IFNA1: variants seen among roughly 807,000 people sequenced by gnomAD.
IFNA1 encodes the protein interferon alpha 1, also known as interferon alpha-1.
For missense variants in IFNA1, 130 were observed against 219.8 expected (o/e 0.59, Z 2.58); for synonymous variants, 52 against 86.8 (o/e 0.60, Z 2.23).
rs1818369467 is a variant in IFNA1, at chr9:21,441,165, C to G, written c.*88C>G. ...TCTGTCATTTCAAAGACTCTCACCCCTGCTATAACTATGACCATGCTGATA... is the reference window on the plus strand; with the variant it reads ...TCTGTCATTTCAAAGACTCTCACCCGTGCTATAACTATGACCATGCTGATA... On this transcript the variant is annotated 3_prime_UTR_variant, in exon 1 of 1. Coordinates refer to ENST00000276927, the MANE Select transcript of IFNA1 (RefSeq NM_024013.3). The G allele has an allele frequency of 1.9e-6, 3 of 1,557,312 alleles. No individual in the cohort carries two copies. Among genetic ancestry groups the G allele is most frequent in the Middle Eastern group, 1.7e-4 (1 of 5,820 alleles).
rs1299636544 is a variant in IFNA1 at position 21,440,532 on chromosome 9, A to C, written c.25A>C (p.Met9Leu). The C allele has an allele frequency of 1.2e-6, 2 of 1,614,092 alleles. No individual in the cohort carries two copies. The highest frequency in any genetic ancestry group is 1.7e-5 in the Admixed American group (1 of 60,012). Reference protein sequence around the residue: MASPFALLMVLVVLSCKSS... With the variant: MASPFALLLVLVVLSCKSS... The stretch of plus-strand genomic sequence containing the variant: ...GATGGCCTCGCCCTTTGCTTTACTG[A>C]TGGTCCTGGTGGTGCTCAGCTGCAA... Residue 9 changes from methionine to leucine, a missense_variant, in exon 1 of 1, where the codon ATG (methionine) becomes CTG (leucine). Met to Leu is a conservative substitution (Grantham distance 15, BLOSUM62 2). Coordinates refer to ENST00000276927, the MANE Select transcript of IFNA1 (RefSeq NM_024013.3).
In IFNA1 at chr9:21,440,730, C is replaced by T. The variant is rs750346976; in HGVS notation, c.223C>T (p.Pro75Ser). 2.1e-5 allele frequency: 32 copies of T among 1,532,268 alleles called. No individual in the cohort carries two copies. The highest frequency in any genetic ancestry group is 2.8e-5 in the Non-Finnish European group (31 of 1,121,136). The allele number at this position is 1,532,268 out of a possible 1,614,324, so 94.9% of individuals were successfully genotyped here. Residue 75 changes from proline to serine, a missense_variant, in exon 1 of 1, where the codon CCA becomes TCA. Physicochemically the swap from Pro to Ser is moderately conservative, Grantham distance 74. Coordinates refer to ENST00000276927, the MANE Select transcript of IFNA1 (RefSeq NM_024013.3). The part of the protein sequence containing the change: ...EFDGNQFQKA[P>S]AISVLHELIQ... ...TGATGGCAACCAGTTCCAGAAGGCT[C>T]CAGCCATCTCTGTCCTCCATGAGCT... is the stretch of plus-strand genomic sequence containing the variant.
chr9:21,440,806 G>A, the IFNA1 span: 1 of 1,414,152 alleles, frequency 7.1e-7, no homozygotes, highest in Admixed American at 2.2e-5. Context: ...TCTGCTGCTT[G>A]GGATGAGGAC....
In IFNA1 at chr9:21,441,263, T is replaced by C. The variant is rs1008485124; in HGVS notation, c.*186T>C. On this transcript the variant is annotated 3_prime_UTR_variant, in exon 1 of 1. Transcript: ENST00000276927. ...AATTATTTTTGTTCATATAACGTCATGTGCACCTTTACACTGTGGTTAGTG... is the reference window on the plus strand; with the variant it reads ...AATTATTTTTGTTCATATAACGTCACGTGCACCTTTACACTGTGGTTAGTG... The C allele has an allele frequency of 1.1e-4, 103 of 897,934 alleles. No individual in the cohort carries two copies. Among genetic ancestry groups the C allele is most frequent in the Admixed American group, 2.6e-4 (8 of 31,180 alleles). The allele number at this position is 897,934 out of a possible 1,614,324, so 55.6% of individuals were successfully genotyped here.
chr9:21,441,160 C>T lies in IFNA1; in HGVS notation c.*83C>T, dbSNP rs1818369312. ...TGAATTCTGTCATTTCAAAGACTCT[C>T]ACCCCTGCTATAACTATGACCATGC... On this transcript the variant is annotated 3_prime_UTR_variant, in exon 1 of 1. Transcript: ENST00000276927. 1.3e-6 allele frequency: 2 copies of T among 1,575,926 alleles called. No individual in the cohort carries two copies. Among genetic ancestry groups the T allele is most frequent in the Non-Finnish European group, 1.7e-6 (2 of 1,159,566 alleles).
rs1411113922 is a variant in IFNA1 at position 21,440,796 on chromosome 9, T to C, written c.289T>C (p.Ser97Pro). 2.1e-6 allele frequency: 3 copies of C among 1,417,228 alleles called. No homozygotes were observed. The highest frequency in any genetic ancestry group is 2.2e-5 in the Admixed American group (1 of 45,738). The allele number at this position is 1,417,228 out of a possible 1,614,324, so 87.8% of individuals were successfully genotyped here. ...IFNLFTTKDS[S>P]AAWDEDLLDK... ...CAACCTCTTTACCACAAAAGATTCA[T>C]CTGCTGCTTGGGATGAGGACCTCCT... The change falls in exon 1 of 1, where the codon TCT (serine) becomes CCT (proline). Residue 97 changes from serine to proline, a missense_variant. Ser to Pro is a moderately conservative substitution (Grantham distance 74). Coordinates refer to ENST00000276927, the MANE Select transcript of IFNA1 (RefSeq NM_024013.3).
Position 21,441,238 on chromosome 9 carries a change from A to T in IFNA1, c.*161A>T. 8.6e-7 allele frequency: 1 copy of T among 1,156,622 alleles called. No homozygotes were observed. The highest frequency in any genetic ancestry group is 1.2e-6 in the Non-Finnish European group (1 of 848,168). The allele number at this position is 1,156,622 out of a possible 1,614,324, so 71.6% of individuals were successfully genotyped here. ...TTTATTTAACTATTCATAAGATTTA[A>T]ATTATTTTTGTTCATATAACGTCAT... On this transcript the variant is annotated 3_prime_UTR_variant, in exon 1 of 1. Transcript: ENST00000276927.
In IFNA1 at chr9:21,440,984, C is replaced by T. The variant is rs548638160; in HGVS notation, c.477C>T (p.Tyr159=). 75 of 1,603,186 alleles carry T rather than the reference C, an allele frequency of 4.7e-5. No individual in the cohort carries two copies. In the South Asian group the frequency reaches 7.2e-4, roughly 15 times the overall value. The change falls in exon 1 of 1, where the codon TAC becomes TAT. Residue 159 remains tyrosine, a synonymous_variant. Transcript: ENST00000276927. ...CTCTCTATCTGACAGAGAAGAAATA[C>T]AGCCCTTGTGCCTGGGAGGTTGTCA... ...RITLYLTEKK[Y]SPCAWEVVRA...
Position 21,440,915 on chromosome 9 carries a change from T to G in IFNA1, c.408T>G (p.Asn136Lys). 2.5e-6 allele frequency: 4 copies of G among 1,596,320 alleles called. No homozygotes were observed. Among genetic ancestry groups the G allele is most frequent in the African/African-American group, 1.4e-5 (1 of 71,276 alleles). Reference sequence around the variant, plus strand: ...GGGTGGGAGAAACTCCCCTGATGAATGCGGACTCCATCTTGGCTGTGAAGA... The same window carrying G: ...GGGTGGGAGAAACTCCCCTGATGAAGGCGGACTCCATCTTGGCTGTGAAGA... ...EERVGETPLMNADSILAVKKY... is the reference protein window; with the variant it reads ...EERVGETPLMKADSILAVKKY... Residue 136 changes from asparagine (N) to lysine (K), a missense_variant, in exon 1 of 1, where the codon AAT becomes AAG. Asn to Lys is a moderately conservative substitution (Grantham distance 94, BLOSUM62 0). Coordinates refer to ENST00000276927, the MANE Select transcript of IFNA1 (RefSeq NM_024013.3).
chr9:21,441,072 G>A lies in IFNA1; in HGVS notation c.565G>A (p.Glu189Lys). ...CTTGCAAGAAAGATTAAGGAGGAAGGAATAACATCTGGTCCAACATGAAAA... is the reference window on the plus strand; with the variant it reads ...CTTGCAAGAAAGATTAAGGAGGAAGAAATAACATCTGGTCCAACATGAAAA... ...TNLQERLRRK[E>K] Residue 189 changes from glutamate to lysine, a missense_variant, in exon 1 of 1, where the codon GAA (glutamate) becomes AAA (lysine). Coordinates refer to ENST00000276927, the MANE Select transcript of IFNA1 (RefSeq NM_024013.3). The A allele has an allele frequency of 6.2e-6, 10 of 1,612,706 alleles. No homozygotes were observed. Among genetic ancestry groups the A allele is most frequent in the Non-Finnish European group, 8.5e-6 (10 of 1,179,948 alleles).
At position 21,441,089 on chromosome 9, in the gene IFNA1, A is replaced by G. The variant is rs758370163; in HGVS notation, c.*12A>G. On this transcript the variant is annotated 3_prime_UTR_variant, in exon 1 of 1. Transcript: ENST00000276927. The stretch of plus-strand genomic sequence containing the variant: ...GGAGGAAGGAATAACATCTGGTCCA[A>G]CATGAAAACAATTCTTATTGACTCA... 6.2e-7 allele frequency: 1 copy of G among 1,611,010 alleles called. No homozygotes were observed. Among genetic ancestry groups the G allele is most frequent in the South Asian group, 1.1e-5 (1 of 90,956 alleles).
chr9:21,440,470 C>A lies in IFNA1; in HGVS notation c.-38C>A. 1 of 1,611,556 alleles carries A rather than the reference C, an allele frequency of 6.2e-7. No homozygotes were observed. Among genetic ancestry groups the A allele is most frequent in the East Asian group, 2.2e-5 (1 of 44,838 alleles). On this transcript the variant is annotated 5_prime_UTR_variant, in exon 1 of 1. Coordinates refer to ENST00000276927, the MANE Select transcript of IFNA1 (RefSeq NM_024013.3). ...CCTAGAGCCCAAGGTTCAGAGTCACCCATCTCAGCAAGCCCAGAAGTATCT... is the reference window on the plus strand; with the variant it reads ...CCTAGAGCCCAAGGTTCAGAGTCACACATCTCAGCAAGCCCAGAAGTATCT...
At position 21,440,718 on chromosome 9, in the gene IFNA1, T is replaced by C. The variant is rs1352978099; in HGVS notation, c.211T>C (p.Phe71Leu). Residue 71 changes from phenylalanine to leucine, a missense_variant, in exon 1 of 1, where the codon TTC becomes CTC. Transcript: ENST00000276927. ...CCAGGAGGAGTTTGATGGCAACCAG[T>C]TCCAGAAGGCTCCAGCCATCTCTGT... is the stretch of plus-strand genomic sequence containing the variant. ...FPQEEFDGNQ[F>L]QKAPAISVLH... 4 of 1,569,968 alleles carry C rather than the reference T, an allele frequency of 2.5e-6. No homozygotes were observed. Among genetic ancestry groups the C allele is most frequent in the Non-Finnish European group, 3.5e-6 (4 of 1,150,574 alleles).
Position 21,441,214 on chromosome 9 carries a change from T to G in IFNA1, c.*137T>G, listed in dbSNP as rs1175660556. 10 of 1,253,872 alleles carry G rather than the reference T, an allele frequency of 8.0e-6. No homozygotes were observed. Among genetic ancestry groups the G allele is most frequent in the Admixed American group, 2.8e-5 (1 of 35,798 alleles). The allele number at this position is 1,253,872 out of a possible 1,614,324, so 77.7% of individuals were successfully genotyped here. The stretch of plus-strand genomic sequence containing the variant: ...TAAACTGATTTATCTATTTAAATAT[T>G]TATTTAACTATTCATAAGATTTAAA... On this transcript the variant is annotated 3_prime_UTR_variant, in exon 1 of 1. Transcript: ENST00000276927.
Position 21,440,507 on chromosome 9 carries a change from G to A in IFNA1, c.-1G>A, listed in dbSNP as rs1392247836. ...GCCCAGAAGTATCTGCAATATCTAC[G>A]ATGGCCTCGCCCTTTGCTTTACTGA... On this transcript the variant is annotated 5_prime_UTR_variant, in exon 1 of 1. Transcript: ENST00000276927. 9 of 1,613,954 alleles carry A rather than the reference G, an allele frequency of 5.6e-6. No individual in the cohort carries two copies. The highest frequency in any genetic ancestry group is 2.2e-5 in the East Asian group (1 of 44,890).
In IFNA1 at chr9:21,440,616, A is replaced by G. The variant is rs1818360304; in HGVS notation, c.109A>G (p.Thr37Ala). 6.2e-7 allele frequency: 1 copy of G among 1,611,470 alleles called. No individual in the cohort carries two copies. The highest frequency in any genetic ancestry group is 1.3e-5 in the African/African-American group (1 of 74,252). Residue 37 changes from threonine to alanine, a missense_variant, in exon 1 of 1, where the codon ACC (threonine) becomes GCC (alanine). By Grantham distance (58) the Thr-to-Ala change is moderately conservative. Coordinates refer to ENST00000276927, the MANE Select transcript of IFNA1 (RefSeq NM_024013.3). ...PETHSLDNRR[T>A]LMLLAQMSRI... ...GACCCACAGCCTGGATAACAGGAGG[A>G]CCTTGATGCTCCTGGCACAAATGAG...
chr9:21,440,571 C>T lies in IFNA1; in HGVS notation c.64C>T (p.Leu22=), dbSNP rs759593798. 2 of 1,613,756 alleles carry T rather than the reference C, an allele frequency of 1.2e-6. No individual in the cohort carries two copies. Among genetic ancestry groups the T allele is most frequent in the Non-Finnish European group, 1.7e-6 (2 of 1,179,914 alleles). ...GCTCAGCTGCAAGTCAAGCTGCTCT[C>T]TGGGCTGTGATCTCCCTGAGACCCA... ...VVLSCKSSCS[L]GCDLPETHSL... is the part of the protein sequence containing the mutation. The change falls in exon 1 of 1, where the codon CTG becomes TTG. Residue 22 remains leucine (L), a synonymous_variant. Coordinates refer to ENST00000276927, the MANE Select transcript of IFNA1 (RefSeq NM_024013.3).
rs181771917 is a variant in IFNA1 at position 21,441,124 on chromosome 9, T to C, written c.*47T>C. On this transcript the variant is annotated 3_prime_UTR_variant, in exon 1 of 1. Coordinates refer to ENST00000276927, the MANE Select transcript of IFNA1 (RefSeq NM_024013.3). ...AATTCTTATTGACTCATACACCAGG[T>C]CACGCTTTCATGAATTCTGTCATTT... 1 of 1,606,352 alleles carries C rather than the reference T, an allele frequency of 6.2e-7. No homozygotes were observed. The highest frequency in any genetic ancestry group is 1.3e-5 in the African/African-American group (1 of 74,290).
In IFNA1 at chr9:21,440,517, C is replaced by T. The variant is rs1818358901; in HGVS notation, c.10C>T (p.Pro4Ser). The change falls in exon 1 of 1, where the codon CCC becomes TCC. Residue 4 changes from proline to serine, a missense_variant. Coordinates refer to ENST00000276927, the MANE Select transcript of IFNA1 (RefSeq NM_024013.3). Reference sequence around the variant, plus strand: ...ATCTGCAATATCTACGATGGCCTCGCCCTTTGCTTTACTGATGGTCCTGGT... The same window carrying T: ...ATCTGCAATATCTACGATGGCCTCGTCCTTTGCTTTACTGATGGTCCTGGT... MASPFALLMVLVVL... is the reference protein window; with the variant it reads MASSFALLMVLVVL... The T allele has an allele frequency of 6.2e-7, 1 of 1,614,098 alleles. No individual in the cohort carries two copies. Among genetic ancestry groups the T allele is most frequent in the Non-Finnish European group, 8.5e-7 (1 of 1,179,992 alleles).
Sources: allele counts gnomAD v4.1 joint callset, GRCh38; gene constraint gnomAD v4.1.1; transcripts MANE v1.5; gene names NCBI Gene and HGNC (gene_info 2026-07-23, HGNC 2026-07-21).